Variants in DEK observed in about 807,000 individuals in gnomAD.
DEK encodes the protein protein DEK.
A neutral mutation model predicts 46.8 loss-of-function variants in DEK; 28 were observed. That is an observed-to-expected ratio of 0.60 (90% CI 0.44 to 0.82). DEK has a LOEUF of 0.82. DEK is among the 40% of genes least tolerant of loss of function. DEK has a pLI of 0.00. For missense variants in DEK, 416 were observed against 430.6 expected (o/e 0.97, Z 0.30); for synonymous variants, 160 against 144.5 (o/e 1.11, Z -0.77).
intron 6 of DEK, among the ~76,000 whole-genome samples, chr6:18,253,104 T>A (rs1791460269): frequency 1.5e-5 from 2 of 136,452 alleles, no homozygotes; most frequent in Non-Finnish European, 1.6e-5. Context: ...GAACCCCACA[T>A]TTTTTTTTTT....
At chr6:18,255,128 T>G (rs1326558428) in intron 6 of DEK, among the ~76,000 whole-genome samples, 7 of 152,212 alleles carry the variant, frequency 4.6e-5, no homozygotes, top group Non-Finnish European at 1.0e-4. Context: ...ACAGACATTT[T>G]AAGTCACCTA....
intron 7 of DEK, among the ~76,000 whole-genome samples, chr6:18,242,368 GAAGA>G (rs1790928619): frequency 6.6e-6 from 1 of 152,282 alleles, no homozygotes; most frequent in African/African-American, 2.4e-5. Flanking sequence ...TCTCAAAAAA[GAAGA>G]AAGAATAATA....
intron 9 of DEK, among the ~76,000 whole-genome samples, chr6:18,228,707 C>T (rs898036017): frequency 6.6e-6 from 1 of 152,210 alleles, no homozygotes. Flanking sequence ...TCTTAGCAAA[C>T]GGGACACCAG....
At chr6:18,226,111 A>G (rs760732346) in intron 10 of DEK, 63 bp downstream of exon 10, 16 of 1,169,882 alleles carry the variant, frequency 1.4e-5, no homozygotes, top group Non-Finnish European at 1.7e-5. Context: ...AATATGGAGT[A>G]TTTTATGTAA....
Position 18,224,758 on chromosome 6 carries a change from A to G in DEK, c.*961T>C, listed in dbSNP as rs1355582707. The stretch of plus-strand genomic sequence containing the variant: ...GTAAATATCAGCATTTTATATGGGC[A>G]AAAGCAGTTAATAAAAATCAGTTCA... On this transcript the variant is annotated 3_prime_UTR_variant, in exon 11 of 11. Transcript: ENST00000652689. The G allele has an allele frequency of 4.7e-6, 1 of 214,118 alleles. No individual in the cohort carries two copies. The highest frequency in any genetic ancestry group is 9.4e-6 in the Non-Finnish European group (1 of 105,984). 13.3% of individuals were successfully genotyped at this position (214,118 alleles called of 1,614,324 possible).
chr6:18,252,722 T>C (rs1309966127), intron 6 of DEK, among the ~76,000 whole-genome samples: 2 of 152,162 alleles, frequency 1.3e-5, no homozygotes, highest in East Asian at 1.9e-4. Context: ...ATTTTCATAA[T>C]AATAGCAACA....
intron 9 of DEK, among the ~76,000 whole-genome samples, chr6:18,230,222 A>C (rs1247837733): frequency 6.6e-6 from 1 of 152,196 alleles, no homozygotes; most frequent in Non-Finnish European, 1.5e-5. Context: ...AGAGCTCCTG[A>C]AGGAAGCACT....
intron 7 of DEK, among the ~76,000 whole-genome samples, chr6:18,239,260 G>A (rs1340678526): frequency 6.7e-6 from 1 of 149,972 alleles, no homozygotes; most frequent in Non-Finnish European, 1.5e-5. Context: ...GCACTGTGTT[G>A]AACCTATCCT....
intron 7 of DEK, among the ~76,000 whole-genome samples, chr6:18,239,288 C>A (rs1210783748): frequency 4.7e-5 from 7 of 149,024 alleles, no homozygotes; most frequent in South Asian, 2.1e-4. Flanking sequence ...AAAGTATACA[C>A]ATCAATCTGT....
intron 2 of DEK, among the ~76,000 whole-genome samples, chr6:18,262,930 C>T (rs1196078930): frequency 6.6e-6 from 1 of 152,108 alleles, no homozygotes; most frequent in Admixed American, 6.6e-5. Flanking sequence ...CTGGTTGAGG[C>T]TTAAAAAAAA....
intron 9 of DEK, among the ~76,000 whole-genome samples, chr6:18,228,619 C>A (rs1036161329): frequency 6.6e-5 from 10 of 152,310 alleles, no homozygotes; most frequent in African/African-American, 2.2e-4. Context: ...AATTCCCTTT[C>A]CTAGCCAAAG....
chr6:18,245,013 A>T (rs1362212192), intron 7 of DEK, among the ~76,000 whole-genome samples: 1 of 152,186 alleles, frequency 6.6e-6, no homozygotes, highest in African/African-American at 2.4e-5. Context: ...TCACTGAACC[A>T]CCCACTTTTG....
chr6:18,248,478 T>C (rs1463768893), intron 7 of DEK, among the ~76,000 whole-genome samples: 1 of 152,144 alleles, frequency 6.6e-6, no homozygotes, highest in African/African-American at 2.4e-5. Context: ...GGATATCCAA[T>C]CCATAAAGAC....
intron 7 of DEK, among the ~76,000 whole-genome samples, chr6:18,249,211 G>C (rs1297375002): frequency 6.6e-6 from 1 of 151,996 alleles, no homozygotes; most frequent in Non-Finnish European, 1.5e-5. Context: ...TCACTACATA[G>C]TCCCCTAAAG....
chr6:18,253,786 T>C (rs1441903842), intron 6 of DEK, among the ~76,000 whole-genome samples: 2 of 152,042 alleles, frequency 1.3e-5, no homozygotes, highest in Admixed American at 6.5e-5. Context: ...GGCATGAAAA[T>C]AGCTCACTGC....
At chr6:18,251,867 T>C (rs1003150457) in intron 6 of DEK, among the ~76,000 whole-genome samples, 12 of 152,066 alleles carry the variant, frequency 7.9e-5, no homozygotes, top group African/African-American at 2.4e-4. Context: ...AAACAGGTTC[T>C]GGATAAATCT....
chr6:18,225,606 CT>C lies in DEK; in HGVS notation c.*112del. On this transcript the variant is annotated 3_prime_UTR_variant, in exon 11 of 11. Coordinates refer to ENST00000652689, the MANE Select transcript of DEK (RefSeq NM_003472.4). Reference sequence around the variant, plus strand: ...ATAAAAAGGTCAGCAGTAAGTTCTACTAACGTTGCTTAACAAGGATTTAGAA... The same window carrying C: ...ATAAAAAGGTCAGCAGTAAGTTCTACAACGTTGCTTAACAAGGATTTAGAA... 1 of 1,247,920 alleles carries C rather than the reference CT, an allele frequency of 8.0e-7. No homozygotes were observed. Among genetic ancestry groups the C allele is most frequent in the African/African-American group, 1.5e-5 (1 of 65,848 alleles). The allele number at this position is 1,247,920 out of a possible 1,614,324, so 77.3% of individuals were successfully genotyped here.
chr6:18,247,003 C>A (rs1408585752), intron 7 of DEK, among the ~76,000 whole-genome samples: 1 of 152,178 alleles, frequency 6.6e-6, no homozygotes, highest in Non-Finnish European at 1.5e-5. Context: ...GACTAACTTG[C>A]AACTTTTCTT....
rs1489438569 is a variant in DEK at position 18,225,155 on chromosome 6, C to T, written c.*564G>A. The T allele has an allele frequency of 4.5e-6, 1 of 221,810 alleles. No homozygotes were observed. The highest frequency in any genetic ancestry group is 9.0e-6 in the Non-Finnish European group (1 of 110,934). The allele number at this position is 221,810 out of a possible 1,614,324, so 13.7% of individuals were successfully genotyped here. ...TTAAAAATACAAAAATAACATCTGTCACTTTTGTCATGCTGACAATTTGAC... is the reference window on the plus strand; with the variant it reads ...TTAAAAATACAAAAATAACATCTGTTACTTTTGTCATGCTGACAATTTGAC... On this transcript the variant is annotated 3_prime_UTR_variant, in exon 11 of 11. Transcript: ENST00000652689.
Sources: gnomAD v4.1 joint callset for allele counts (sites outside exome capture counted in the v4.1 genomes callset) on GRCh38, gnomAD v4.1.1 for gene constraint, MANE v1.5 for transcripts, NCBI Gene and HGNC (gene_info 2026-07-23, HGNC 2026-07-21) for gene names.